SERPINB11: variants seen among roughly 807,000 people sequenced by gnomAD.
SERPINB11 encodes the protein serpin B11.
SERPINB11 carries 32 observed loss-of-function variants against 36.7 expected under a neutral mutation model. The observed-to-expected ratio is 0.87, with a 90% CI of 0.66 to 1.17. The LOEUF (loss-of-function observed/expected upper bound fraction) is 1.17, where lower values mean the gene tolerates loss of function less well. Ranked by LOEUF, SERPINB11 falls within the 50% of genes most tolerant of loss-of-function variation. The pLI is 0.00. For synonymous variants in SERPINB11, 174 were observed against 168.1 expected (o/e 1.04, Z -0.27); for missense variants, 528 against 458.4 (o/e 1.15, Z -1.39).
chr18:63,712,424 A>G, intron 3 of SERPINB11, 141 bp from the exon 4 acceptor site: 1 of 799,414 alleles, frequency 1.3e-6, no homozygotes, highest in Non-Finnish European at 1.9e-6. Context: ...AATCCAAGGA[A>G]GAAAATGCTT....
intron 3 of SERPINB11, among the ~76,000 whole-genome samples, 169 bp from the exon 4 acceptor site, chr18:63,712,396 A>T (rs1047197681): frequency 6.6e-6 from 1 of 152,242 alleles, no homozygotes; most frequent in Non-Finnish European, 1.5e-5. Context: ...AGAGTGGTGA[A>T]ATTAATGTGC....
intron 5 of SERPINB11, among the ~76,000 whole-genome samples, chr18:63,716,716 A>C (rs2144544804): frequency 1.3e-5 from 2 of 152,174 alleles, no homozygotes; most frequent in South Asian, 4.1e-4. Flanking sequence ...CAACCGCTAC[A>C]ATTCATTACT....
chr18:63,709,131 T>C (rs1914447910), intron 1 of SERPINB11, among the ~76,000 whole-genome samples: 1 of 152,242 alleles, frequency 6.6e-6, no homozygotes, highest in Non-Finnish European at 1.5e-5. Context: ...TGTCCTAAGA[T>C]AACACATATT....
Position 63,712,624 on chromosome 18 carries a change from G to A in SERPINB11, c.288G>A (p.Gln96=), listed in dbSNP as rs1340413770. 1.2e-6 allele frequency: 2 copies of A among 1,613,788 alleles called. No homozygotes were observed. The highest frequency in any genetic ancestry group is 3.3e-5 in the Admixed American group (2 of 60,020). Residue 96 remains glutamine (Q), a synonymous_variant, in exon 4 of 8, where the codon CAG becomes CAA. Transcript: ENST00000544088. ...GTGTCGAATTCTCTCAAATCAACCA[G>A]CCAGACTCTAACTGTACCCTCAGCA... ...EFGVEFSQIN[Q]PDSNCTLSIA...
chr18:63,704,806 G>C (rs1914329007), intron 1 of SERPINB11, among the ~76,000 whole-genome samples: 1 of 152,172 alleles, frequency 6.6e-6, no homozygotes, highest in South Asian at 2.1e-4. Context: ...CATGAACCCT[G>C]TAAGTTGGCC....
upstream of SERPINB11, chr18:63,702,456 T>C (rs1412365337): frequency 3.9e-5 from 6 of 152,184 alleles, no homozygotes; most frequent in Non-Finnish European, 8.8e-5. Flanking sequence ...CTGGGTGTGG[T>C]GGTGCACACC....
Position 63,716,035 on chromosome 18 carries a change from C to T in SERPINB11, c.358C>T (p.Gln120Ter). 6 of 1,587,442 alleles carry T rather than the reference C, an allele frequency of 3.8e-6. No homozygotes were observed. The highest frequency in any genetic ancestry group is 2.2e-5 in the South Asian group (2 of 89,068). ...TGTTCAATTATCATGTCTTTCATAGCAATATTTAAGCTGTTCTGAGAAATG... is the reference window on the plus strand; with the variant it reads ...TGTTCAATTATCATGTCTTTCATAGTAATATTTAAGCTGTTCTGAGAAATG... ...YGTKTMAFHQQYLSCSEKWYQ... is the reference protein window; with the variant it reads ...YGTKTMAFHQ Residue 120 changes from glutamine to a stop codon, truncating the protein, a stop_gained and splice_region_variant, in exon 5 of 8, where the codon CAA (glutamine) becomes TAA (stop). Transcript: ENST00000544088. LOFTEE classifies it high-confidence loss of function.
chr18:63,711,242 T>A (rs934621549), intron 2 of SERPINB11, 93 bp from the exon 3 acceptor site: 11 of 869,040 alleles, frequency 1.3e-5, no homozygotes, highest in Non-Finnish European at 1.5e-5. Flanking sequence ...CTGATCTTGA[T>A]CTAAAATAGA....
chr18:63,720,550 C>T, intron 6 of SERPINB11: 1 of 383,586 alleles, frequency 2.6e-6, no homozygotes, highest in Non-Finnish European at 4.6e-6. Context: ...CTTTTTCTTC[C>T]CACTAAAATC....
chr18:63,720,161 TA>T lies in SERPINB11; in HGVS notation c.618+7del. 1 of 1,593,776 alleles carries T rather than the reference TA, an allele frequency of 6.3e-7. No individual in the cohort carries two copies. The highest frequency in any genetic ancestry group is 1.1e-5 in the South Asian group (1 of 89,938). ...GTCCTTTTCAGCTAAGTGAGGTAAG[TA>T]TTTTATTTTCAGACTCATGACAAAT... On this transcript the variant is annotated splice_region_variant and intron_variant, in intron 6 of 7. Coordinates refer to ENST00000544088, the MANE Select transcript of SERPINB11 (RefSeq NM_001370475.1).
chr18:63,714,094 G>A (rs1966128), intron 4 of SERPINB11, among the ~76,000 whole-genome samples: 30,853 of 151,898 alleles, frequency 0.2, 4,151 homozygotes, highest in East Asian at 0.4. Context: ...CCTATGTGTC[G>A]GCTGGTCTGA....
intron 1 of SERPINB11, chr18:63,705,865 A>G (rs1914359184): frequency 6.6e-6 from 1 of 152,216 alleles, no homozygotes; most frequent in Admixed American, 6.5e-5. Flanking sequence ...AGAGCAACTG[A>G]CTTGGATATA....
rs1914893893 is a variant in SERPINB11 at position 63,723,856 on chromosome 18, T to C, written c.*457T>C. Reference sequence around the variant, plus strand: ...TGGTGAGTTTTAGTTCAAAATTCTCTGTTGAGAATAATAAATGCATGAAAT... The same window carrying C: ...TGGTGAGTTTTAGTTCAAAATTCTCCGTTGAGAATAATAAATGCATGAAAT... On this transcript the variant is annotated 3_prime_UTR_variant, in exon 8 of 8. Transcript: ENST00000544088. 6.5e-6 allele frequency: 1 copy of C among 154,754 alleles called. No individual in the cohort carries two copies. The highest frequency in any genetic ancestry group is 6.5e-5 in the Admixed American group (1 of 15,386). 9.6% of individuals were successfully genotyped at this position (154,754 alleles called of 1,614,324 possible). A position where few individuals can be genotyped will look rare whatever the true frequency, so the allele number is the denominator to read the frequency against.
At chr18:63,706,651 A>T (rs1253497727) in intron 1 of SERPINB11, among the ~76,000 whole-genome samples, 1 of 152,244 alleles carries the variant, frequency 6.6e-6, no homozygotes. Flanking sequence ...CCTAGTGAAC[A>T]AGGGTGTATA....
chr18:63,719,609 A>G (rs990510181), intron 5 of SERPINB11, among the ~76,000 whole-genome samples: 3 of 152,132 alleles, frequency 2.0e-5, no homozygotes, highest in Admixed American at 6.6e-5. Flanking sequence ...AAGAATAAAT[A>G]TTTTAAAATA....
intron 4 of SERPINB11, among the ~76,000 whole-genome samples, chr18:63,714,901 T>G (rs528250670): frequency 5.6e-4 from 86 of 152,278 alleles, no homozygotes; most frequent in African/African-American, 1.9e-3. Flanking sequence ...ACAAGAGTAT[T>G]GATTAGGGAA....
intron 4 of SERPINB11, among the ~76,000 whole-genome samples, chr18:63,713,110 G>T (rs988776673): frequency 1.3e-5 from 2 of 152,128 alleles, no homozygotes; most frequent in Non-Finnish European, 2.9e-5. Context: ...ATAACTTTGG[G>T]CAAGTCACTT....
intron 1 of SERPINB11, among the ~76,000 whole-genome samples, chr18:63,707,404 G>C (rs1914399052): frequency 6.6e-6 from 1 of 152,168 alleles, no homozygotes; most frequent in Non-Finnish European, 1.5e-5. Flanking sequence ...TTCTCATCAA[G>C]GGGCATGCAA....
intron 1 of SERPINB11, 100 bp from the exon 2 acceptor site, chr18:63,710,079 G>A: frequency 1.1e-6 from 1 of 890,598 alleles, no homozygotes; most frequent in Non-Finnish European, 1.6e-6. Context: ...ATGAAGCAGT[G>A]TGCCCTGATA....
Sources: allele counts gnomAD v4.1 joint callset (sites outside exome capture counted in the v4.1 genomes callset), GRCh38; gene constraint gnomAD v4.1.1; transcripts MANE v1.5; gene names NCBI Gene and HGNC (gene_info 2026-07-23, HGNC 2026-07-21).